Variants in KCNH8 observed in about 807,000 individuals in gnomAD.
KCNH8 encodes voltage-gated delayed rectifier potassium channel KCNH8.
Under a neutral mutation model 103.6 loss-of-function variants are expected in KCNH8, and 70 were observed. The observed-to-expected ratio is 0.68, with a 90% CI of 0.56 to 0.82. KCNH8 has a LOEUF of 0.82. Among genes scored for constraint, KCNH8 ranks in the 40% least tolerant of loss-of-function variants. The pLI is 0.00. For synonymous variants in KCNH8, 498 were observed against 489.4 expected (o/e 1.02, Z -0.23); for missense variants, 1,217 against 1,329.9 (o/e 0.92, Z 1.32).
intron 11 of KCNH8, among the ~76,000 whole-genome samples, chr3:19,467,193 A>G (rs1198695697): frequency 6.6e-6 from 1 of 152,084 alleles, no homozygotes; most frequent in East Asian, 1.9e-4. Flanking sequence ...GACCCTTTCA[A>G]TATCGTATAG....
chr3:19,434,953 C>A (rs10514672), intron 7 of KCNH8, among the ~76,000 whole-genome samples: 2 of 151,824 alleles, frequency 1.3e-5, no homozygotes, highest in African/African-American at 2.4e-5. Flanking sequence ...TACAGCATCA[C>A]GAGATAACTA....
rs141442113 is a variant in KCNH8, at chr3:19,318,662, T to TAC, written c.443-23901_443-23900dup. On this transcript the variant is annotated intron_variant, in intron 3 of 15. Transcript: ENST00000328405. Reference sequence around the variant, plus strand: ...GTAAGTGTGTGTGTGTGTGTGTGTGTACACACACACACACACACACACACA... The same window carrying TAC: ...GTAAGTGTGTGTGTGTGTGTGTGTGTACACACACACACACACACACACACACA... Among the ~76,000 whole-genome samples the TAC allele has an allele frequency of 8.0e-3, 1,136 of 142,542 alleles. 6 individuals carry two copies. The highest frequency in any genetic ancestry group is 0.016 in the East Asian group (77 of 4,706). The allele number at this position is 142,542 out of a possible 152,430, so 93.5% of individuals were successfully genotyped here.
chr3:19,450,010 C>G, intron 8 of KCNH8, 96 bp from the exon 9 acceptor site: 3 of 1,021,578 alleles, frequency 2.9e-6, no homozygotes, highest in Middle Eastern at 2.1e-4. Flanking sequence ...CCATGCTCTG[C>G]TCTGCTCTGA....
At chr3:19,264,820 A>T (rs1210036391) in intron 2 of KCNH8, among the ~76,000 whole-genome samples, 5 of 152,024 alleles carry the variant, frequency 3.3e-5, no homozygotes, top group Admixed American at 3.3e-4. Flanking sequence ...GGAATATCCT[A>T]TTACTATCAT....
intron 11 of KCNH8, among the ~76,000 whole-genome samples, chr3:19,463,674 AG>A (rs1481883482): frequency 6.6e-6 from 1 of 152,144 alleles, no homozygotes; most frequent in Non-Finnish European, 1.5e-5. Flanking sequence ...TCCATTTTGC[AG>A]AAAAATATGT....
At chr3:19,188,565 G>A (rs983889394) in intron 1 of KCNH8, among the ~76,000 whole-genome samples, 11 of 151,836 alleles carry the variant, frequency 7.2e-5, no homozygotes, top group African/African-American at 2.7e-4. Context: ...AATAAAAATC[G>A]ATTTATAAAT....
chr3:19,290,260 T>A (rs962526387), intron 3 of KCNH8, among the ~76,000 whole-genome samples: 1 of 152,208 alleles, frequency 6.6e-6, no homozygotes, highest in Non-Finnish European at 1.5e-5. Flanking sequence ...CTAATTGCCC[T>A]GGCCTGAACT....
intron 1 of KCNH8, among the ~76,000 whole-genome samples, chr3:19,166,916 T>C (rs2063291229): frequency 6.6e-6 from 1 of 152,182 alleles, no homozygotes; most frequent in Non-Finnish European, 1.5e-5. Context: ...GTGGTTAGTA[T>C]AGAAGGATTG....
rs751337521 is a variant in KCNH8, at chr3:19,395,246, C to T, written c.1112C>T (p.Ala371Val). 3 of 1,609,150 alleles carry T rather than the reference C, an allele frequency of 1.9e-6. No homozygotes were observed. The highest frequency in any genetic ancestry group is 1.1e-5 in the South Asian group (1 of 90,368). Residue 371 changes from alanine to valine, a missense_variant, in exon 7 of 16, where the codon GCG (alanine) becomes GTG (valine). Physicochemically the swap from Ala to Val is moderately conservative, Grantham distance 64. This residue lies in a region of KCNH8 where 415 missense variants were observed against 577.4 expected (regional missense o/e 0.72). Transcript: ENST00000328405. ...SMFALLAHWM[A>V]CIWYVIGKME... ...TTTGCACTCCTTGCACACTGGATGG[C>T]GTGTATCTGGTACGTCATTGGAAAA...
At chr3:19,491,991 A>G (rs1288446771) in intron 11 of KCNH8, among the ~76,000 whole-genome samples, 1 of 152,072 alleles carries the variant, frequency 6.6e-6, no homozygotes, top group Admixed American at 6.6e-5. Context: ...GAATCTGTTC[A>G]TGTCTTTTGC....
At chr3:19,438,392 G>A (rs1458847547) in intron 8 of KCNH8, 31 bp downstream of exon 8, 1 of 1,565,110 alleles carries the variant, frequency 6.4e-7, no homozygotes, top group South Asian at 1.1e-5. Flanking sequence ...ATACTAAGAA[G>A]AGGAACTATG....
chr3:19,173,306 G>A lies in KCNH8; in HGVS notation c.76+24511G>A, dbSNP rs114622523. 7.8e-3 allele frequency among the ~76,000 whole-genome samples: 1,194 copies of A among 152,226 alleles called. 14 individuals carry two copies. The highest frequency in any genetic ancestry group is 0.027 in the African/African-American group (1,101 of 41,530). On this transcript the variant is annotated intron_variant, in intron 1 of 15. Transcript: ENST00000328405. Reference sequence around the variant, plus strand: ...CTGGACCGGCAATGTGAGTGCCTTGGGCAATGGTGGTGGTGGTGGGTTGAG... The same window carrying A: ...CTGGACCGGCAATGTGAGTGCCTTGAGCAATGGTGGTGGTGGTGGGTTGAG...
intron 13 of KCNH8, among the ~76,000 whole-genome samples, chr3:19,513,774 A>T (rs2068827082): frequency 6.6e-6 from 1 of 152,170 alleles, no homozygotes; most frequent in African/African-American, 2.4e-5. Flanking sequence ...CCTTATTATC[A>T]AGGACGGCTA....
intron 15 of KCNH8, among the ~76,000 whole-genome samples, chr3:19,528,781 T>C (rs1415949076): frequency 6.6e-6 from 1 of 152,130 alleles, no homozygotes; most frequent in Non-Finnish European, 1.5e-5. Flanking sequence ...TATTTATTTT[T>C]ACATTGAAGA....
At chr3:19,359,394 CTT>C (rs1201262188) in intron 5 of KCNH8, among the ~76,000 whole-genome samples, 8 of 151,024 alleles carry the variant, frequency 5.3e-5, no homozygotes, top group African/African-American at 1.5e-4. Flanking sequence ...GAAAGAGAAA[CTT>C]ATTTTAGAAA....
At chr3:19,344,446 A>G (rs1181292550) in intron 4 of KCNH8, among the ~76,000 whole-genome samples, 1 of 152,114 alleles carries the variant, frequency 6.6e-6, no homozygotes, top group East Asian at 1.9e-4. Context: ...TACTTAGCTA[A>G]TTTGCTTAAT....
At chr3:19,385,448 G>T (rs1414175662) in intron 5 of KCNH8, among the ~76,000 whole-genome samples, 3 of 152,030 alleles carry the variant, frequency 2.0e-5, no homozygotes, top group Non-Finnish European at 4.4e-5. Flanking sequence ...GCCAATACCA[G>T]CATCAACTAT....
chr3:19,503,423 A>C (rs913194915), intron 11 of KCNH8, among the ~76,000 whole-genome samples: 1 of 152,250 alleles, frequency 6.6e-6, no homozygotes, highest in East Asian at 1.9e-4. Flanking sequence ...CCATCCCATT[A>C]CTGGATATAT....
intron 1 of KCNH8, among the ~76,000 whole-genome samples, chr3:19,210,328 T>A (rs1280263657): frequency 3.3e-5 from 5 of 152,200 alleles, no homozygotes; most frequent in South Asian, 4.1e-4. Flanking sequence ...CAAAGTGATA[T>A]TACCCAAATG....
Sources: gnomAD v4.1 joint callset for allele counts (sites outside exome capture counted in the v4.1 genomes callset) on GRCh38, gnomAD v4.1.1 for gene constraint, gnomAD v4.1.1 regional missense constraint, MANE v1.5 for transcripts, NCBI Gene and HGNC (gene_info 2026-07-23, HGNC 2026-07-21) for gene names.